Variants in AMD1 observed in about 807,000 individuals in gnomAD.
The protein encoded by AMD1 is adenosylmethionine decarboxylase 1.
In AMD1, 11 loss-of-function variants were observed where a neutral mutation model predicts 40.2. That is an observed-to-expected ratio of 0.27 (90% CI 0.17 to 0.45). The LOEUF (loss-of-function observed/expected upper bound fraction) is 0.45. Among genes scored for constraint, AMD1 ranks in the 20% least tolerant of loss-of-function variants. The pLI is 1.00. For synonymous variants in AMD1, 121 were observed against 130.8 expected (o/e 0.93, Z 0.51); for missense variants, 257 against 410.2 (o/e 0.63, Z 3.23).
the AMD1 span, among the ~76,000 whole-genome samples, chr6:110,832,744 C>T: frequency 0.012 from 1,883 of 152,298 alleles, 17 homozygotes; most frequent in Non-Finnish European, 0.02. Flanking sequence ...GATTACCCCT[C>T]TTTGTACTTC....
chr6:110,815,032 G>A, the AMD1 span: 1 of 1,604,120 alleles, frequency 6.2e-7, no homozygotes, highest in Non-Finnish European at 8.5e-7. Flanking sequence ...TCGCCTTGTA[G>A]ACGTGACCGT....
At chr6:110,890,410 C>T in intron 4 of AMD1, 54 bp downstream of exon 4, 1 of 1,240,202 alleles carries the variant, frequency 8.1e-7, no homozygotes, top group Non-Finnish European at 1.2e-6. Context: ...GAAAGTGCAA[C>T]CTCAGAGATC....
In AMD1 at chr6:110,895,399, C is replaced by G. The variant is rs1157759526; in HGVS notation, c.*1783C>G. 1 of 152,160 alleles carries G rather than the reference C, an allele frequency of 6.6e-6. No individual in the cohort carries two copies. The highest frequency in any genetic ancestry group is 2.4e-5 in the African/African-American group (1 of 41,416). The allele number at this position is 152,160 out of a possible 1,614,324, so 9.4% of individuals were successfully genotyped here. On this transcript the variant is annotated 3_prime_UTR_variant, in exon 9 of 9. Transcript: ENST00000368885. Reference sequence around the variant, plus strand: ...ACCAATGCTTAAGGTGGACTTTGTTCGTAAACAATATCCCAATAGATTTGT... The same window carrying G: ...ACCAATGCTTAAGGTGGACTTTGTTGGTAAACAATATCCCAATAGATTTGT...
chr6:110,887,702 T>C, intron 2 of AMD1, 111 bp downstream of exon 2: 1 of 762,020 alleles, frequency 1.3e-6, no homozygotes, highest in African/African-American at 1.8e-5. Flanking sequence ...TTTGTTTTGT[T>C]TTTTTGAGAC....
the AMD1 span, chr6:110,858,249 C>A: frequency 1.6e-3 from 1,531 of 942,818 alleles, 4 homozygotes; most frequent in Non-Finnish European, 1.6e-3. Context: ...ATGAGCTCCA[C>A]GCAGTTCAAC....
intron 1 of AMD1, among the ~76,000 whole-genome samples, chr6:110,885,204 T>A (rs1160173830): frequency 1.3e-5 from 2 of 151,092 alleles, no homozygotes; most frequent in Non-Finnish European, 3.0e-5. Flanking sequence ...GCAATCTCCA[T>A]CTCCCGCATT....
intron 1 of AMD1, among the ~76,000 whole-genome samples, chr6:110,886,261 T>C (rs996170373): frequency 6.6e-6 from 1 of 151,812 alleles, no homozygotes; most frequent in Admixed American, 6.6e-5. Flanking sequence ...TTTATGAGTG[T>C]AGAGCAATGG....
chr6:110,819,265 G>A, the AMD1 span, among the ~76,000 whole-genome samples: 6 of 152,188 alleles, frequency 3.9e-5, no homozygotes, highest in Non-Finnish European at 7.3e-5. Context: ...GCTGAGGCAG[G>A]AGAATCACTT....
the AMD1 span, chr6:110,815,257 G>GCGCC: frequency 9.8e-7 from 1 of 1,022,346 alleles, no homozygotes; most frequent in South Asian, 2.7e-5. Flanking sequence ...GCGCGCGCGC[G>GCGCC]CCGCCCGCCG....
In AMD1 at chr6:110,874,921, G is replaced by T. The variant is rs1785014884; in HGVS notation, c.-185G>T. 8.7e-6 allele frequency: 5 copies of T among 572,780 alleles called. No homozygotes were observed. In the South Asian group the frequency reaches 1.1e-4, roughly 13 times the overall value. The allele number at this position is 572,780 out of a possible 1,614,324, so 35.5% of individuals were successfully genotyped here. A position where few individuals can be genotyped will look rare whatever the true frequency, so the allele number is the denominator to read the frequency against. ...CACGTTCAACTTTCGCTCACACAAA[G>T]CCGGGAAAATTTTATTAGTCCTTTT... On this transcript the variant is annotated 5_prime_UTR_variant, in exon 1 of 9. Transcript: ENST00000368885.
chr6:110,837,802 C>A, the AMD1 span, among the ~76,000 whole-genome samples: 17 of 134,496 alleles, frequency 1.3e-4, no homozygotes, highest in Non-Finnish European at 1.7e-4. Context: ...GTGGCTCACA[C>A]CTCTAATCCC....
Position 110,890,264 on chromosome 6 carries a change from A to T in AMD1, c.335A>T (p.Tyr112Phe). 1 of 1,561,504 alleles carries T rather than the reference A, an allele frequency of 6.4e-7. No individual in the cohort carries two copies. Among genetic ancestry groups the T allele is most frequent in the East Asian group, 2.3e-5 (1 of 43,528 alleles). ...SGFDSIQSFF[Y>F]SRKNFMKPSH... is the part of the protein sequence containing the mutation. Reference sequence around the variant, plus strand: ...TCTTTTTTAATAAAGAGCTTCTTTTATTCTCGTAAGAATTTCATGAAGCCT... The same window carrying T: ...TCTTTTTTAATAAAGAGCTTCTTTTTTTCTCGTAAGAATTTCATGAAGCCT... The change falls in exon 4 of 9, where the codon TAT becomes TTT. Residue 112 changes from tyrosine to phenylalanine, a missense_variant. Tyr to Phe is a conservative substitution (Grantham distance 22). This residue lies in a region of AMD1 where 192 missense variants were observed against 296.5 expected (regional missense o/e 0.65). Transcript: ENST00000368885.
intron 2 of AMD1, chr6:110,888,616 T>C: frequency 3.7e-6 from 1 of 268,164 alleles, no homozygotes; most frequent in Non-Finnish European, 7.1e-6. Context: ...TCTCTCTTTT[T>C]TTTTTTTAAA....
the AMD1 span, among the ~76,000 whole-genome samples, chr6:110,826,787 G>A: frequency 9.6e-4 from 146 of 151,416 alleles, no homozygotes; most frequent in Non-Finnish European, 1.8e-3. Context: ...CGCCTCCCAG[G>A]TTCAAGCAAT....
chr6:110,835,155 A>G, the AMD1 span, among the ~76,000 whole-genome samples: 1 of 150,524 alleles, frequency 6.6e-6, no homozygotes, highest in Non-Finnish European at 1.5e-5. Flanking sequence ...AGTAGCTGGG[A>G]CTACAGGCGC....
At chr6:110,864,803 T>G in the AMD1 span, among the ~76,000 whole-genome samples, 1 of 152,374 alleles carries the variant, frequency 6.6e-6, no homozygotes, top group South Asian at 2.1e-4. Flanking sequence ...GCCCCTGCCC[T>G]TAACCTGGCT....
the AMD1 span, chr6:110,815,250 C>T: frequency 1.7e-6 from 2 of 1,188,358 alleles, no homozygotes; most frequent in African/African-American, 1.7e-5. Flanking sequence ...CTCGCGCGCG[C>T]GCGCGCGCCG....
chr6:110,844,651 G>A, the AMD1 span, among the ~76,000 whole-genome samples: 1 of 151,700 alleles, frequency 6.6e-6, no homozygotes, highest in South Asian at 2.1e-4. Context: ...TGTGGTGGCA[G>A]GCGCCTGTAA....
chr6:110,835,298 A>G, the AMD1 span, among the ~76,000 whole-genome samples: 3 of 151,982 alleles, frequency 2.0e-5, no homozygotes, highest in Non-Finnish European at 4.4e-5. Flanking sequence ...GATTACAGGC[A>G]TGAGCCACCG....
Sources: gnomAD v4.1 joint callset for allele counts (sites outside exome capture counted in the v4.1 genomes callset) on GRCh38, gnomAD v4.1.1 for gene constraint, gnomAD v4.1.1 regional missense constraint, MANE v1.5 for transcripts, NCBI Gene and HGNC (gene_info 2026-07-23, HGNC 2026-07-21) for gene names.